PDE4D: variants seen among roughly 807,000 people sequenced by gnomAD.
The protein encoded by PDE4D is 3',5'-cyclic-AMP phosphodiesterase 4D.
PDE4D carries 24 observed loss-of-function variants against 87.4 expected under a neutral mutation model. The observed-to-expected ratio is 0.27, with a 90% CI of 0.20 to 0.39. The LOEUF is 0.39. PDE4D is among the 10% of genes least tolerant of loss of function. The pLI, the probability that PDE4D is intolerant of heterozygous loss-of-function variation, is 1.00. For missense variants in PDE4D, 714 were observed against 1,041.0 expected (o/e 0.69, Z 4.32); for synonymous variants, 384 against 383.2 (o/e 1.00, Z -0.02).
chr5:59,163,222 A>G (rs1220505386), intron 5 of PDE4D, among the ~76,000 whole-genome samples: 2 of 150,804 alleles, frequency 1.3e-5, no homozygotes, highest in African/African-American at 4.9e-5. Context: ...CTGTGGGATT[A>G]CAGGTGTGAG....
At chr5:60,254,409 A>C (rs1748821871) in intron 1 of PDE4D, among the ~76,000 whole-genome samples, 1 of 151,966 alleles carries the variant, frequency 6.6e-6, no homozygotes, top group Non-Finnish European at 1.5e-5. Flanking sequence ...CCTGCCTTTA[A>C]GCAAGTGAAG....
At position 59,574,138 on chromosome 5, in the gene PDE4D, A is replaced by T. The variant is rs2409648; in HGVS notation, c.455+319030T>A. Among the ~76,000 whole-genome samples, 10 of 4,792 alleles carry T rather than the reference A, an allele frequency of 2.1e-3. No individual in the cohort carries two copies. In the East Asian group the frequency reaches 0.027, roughly 13 times the overall value. 3.1% of individuals were successfully genotyped at this position (4,792 alleles called of 152,430 possible). A position where few individuals can be genotyped will look rare whatever the true frequency, so the allele number is the denominator to read the frequency against. On this transcript the variant is annotated intron_variant, in intron 1 of 14. Coordinates refer to ENST00000340635, the MANE Select transcript of PDE4D (RefSeq NM_001104631.2). Reference sequence around the variant, plus strand: ...TATATAAATATATATTTATATATATATATATAAATATATATTTATATATAT... The same window carrying T: ...TATATAAATATATATTTATATATATTTATATAAATATATATTTATATATAT...
At chr5:60,196,525 G>A (rs555246102) in intron 1 of PDE4D, among the ~76,000 whole-genome samples, 1 of 151,724 alleles carries the variant, frequency 6.6e-6, no homozygotes, top group East Asian at 1.9e-4. Flanking sequence ...CTGGGCAGTG[G>A]GAGGTGTCTA....
intron 1 of PDE4D, among the ~76,000 whole-genome samples, chr5:59,359,715 C>T (rs1344053198): frequency 6.6e-6 from 1 of 152,072 alleles, no homozygotes; most frequent in East Asian, 1.9e-4. Flanking sequence ...TATAAAAGAA[C>T]AAAGAAGACA....
chr5:60,117,171 T>C (rs1360753450), intron 2 of PDE4D, among the ~76,000 whole-genome samples: 1 of 152,088 alleles, frequency 6.6e-6, no homozygotes, highest in African/African-American at 2.4e-5. Context: ...GTTTTGGCAT[T>C]AAATTATTTA....
intron 1 of PDE4D, among the ~76,000 whole-genome samples, chr5:59,277,305 G>T (rs1765008026): frequency 6.6e-6 from 1 of 152,078 alleles, no homozygotes; most frequent in African/African-American, 2.4e-5. Flanking sequence ...CCAATAAATT[G>T]CTTTCCACAT....
intron 11 of PDE4D, 30 bp from the exon 12 acceptor site, chr5:58,977,375 G>A (rs1252383311): frequency 6.3e-7 from 1 of 1,583,768 alleles, no homozygotes; most frequent in Non-Finnish European, 8.5e-7. Flanking sequence ...CCAAAGATCA[G>A]CAAAACTGTT....
chr5:59,093,884 A>C (rs1432664389), intron 5 of PDE4D, among the ~76,000 whole-genome samples: 5 of 152,180 alleles, frequency 3.3e-5, no homozygotes, highest in Non-Finnish European at 2.9e-5. Context: ...CTGTGACCTT[A>C]GATAAAACAC....
intron 1 of PDE4D, among the ~76,000 whole-genome samples, chr5:60,423,637 A>G (rs895677356): frequency 6.6e-6 from 1 of 152,210 alleles, no homozygotes; most frequent in Non-Finnish European, 1.5e-5. Flanking sequence ...TAAAAGAACT[A>G]GAGAAGCAAG....
chr5:59,802,389 C>T (rs1213273456), intron 1 of PDE4D, among the ~76,000 whole-genome samples: 5 of 143,168 alleles, frequency 3.5e-5, no homozygotes, highest in Non-Finnish European at 6.0e-5. Flanking sequence ...TTTATAACTT[C>T]CATATTCTTT....
intron 2 of PDE4D, among the ~76,000 whole-genome samples, chr5:60,146,218 A>G (rs1780987786): frequency 6.6e-6 from 1 of 152,246 alleles, no homozygotes; most frequent in African/African-American, 2.4e-5. Context: ...CATCTCAAAA[A>G]CAAAACAAAC....
At chr5:59,943,675 CG>C (rs1757423341) in intron 3 of PDE4D, among the ~76,000 whole-genome samples, 1 of 152,172 alleles carries the variant, frequency 6.6e-6, no homozygotes, top group Non-Finnish European at 1.5e-5. Flanking sequence ...ACAGCTCGTG[CG>C]GGCAGCACTG....
intron 1 of PDE4D, among the ~76,000 whole-genome samples, chr5:59,497,082 C>T (rs1391115019): frequency 6.6e-6 from 1 of 152,132 alleles, no homozygotes; most frequent in Non-Finnish European, 1.5e-5. Context: ...CATACAGAGC[C>T]TTGGCGCCCT....
chr5:59,650,991 C>CA (rs1743366334), intron 1 of PDE4D, among the ~76,000 whole-genome samples: 1 of 152,046 alleles, frequency 6.6e-6, no homozygotes, highest in African/African-American at 2.4e-5. Context: ...CGCGGTGGCT[C>CA]ACGCCTGTAA....
At chr5:59,869,681 T>C (rs1365626554) in intron 1 of PDE4D, among the ~76,000 whole-genome samples, 7 of 152,158 alleles carry the variant, frequency 4.6e-5, no homozygotes, top group Admixed American at 4.6e-4. Context: ...CACCACCTGC[T>C]TGTTTGAGGT....
At chr5:59,335,486 G>A (rs1309544955) in intron 1 of PDE4D, among the ~76,000 whole-genome samples, 2 of 152,124 alleles carry the variant, frequency 1.3e-5, no homozygotes, top group Non-Finnish European at 2.9e-5. Flanking sequence ...CATAGTTTTT[G>A]CCCCTATGGG....
intron 3 of PDE4D, among the ~76,000 whole-genome samples, chr5:59,920,664 T>G (rs1561862260): frequency 1.3e-5 from 2 of 152,180 alleles, no homozygotes; most frequent in Non-Finnish European, 2.9e-5. Flanking sequence ...CCACTTAACT[T>G]CTCTGAACTT....
chr5:60,502,612 C>G (rs1399913998), intron 1 of PDE4D, among the ~76,000 whole-genome samples: 2 of 152,140 alleles, frequency 1.3e-5, no homozygotes, highest in Non-Finnish European at 2.9e-5. Flanking sequence ...TGTCCCCCTG[C>G]TACAGGTTTT....
chr5:60,277,495 G>A (rs1751491137), intron 1 of PDE4D, among the ~76,000 whole-genome samples: 1 of 152,122 alleles, frequency 6.6e-6, no homozygotes, highest in Non-Finnish European at 1.5e-5. Flanking sequence ...AAACCATCCT[G>A]TGTACCATAG....
Sources: gnomAD v4.1 joint callset for allele counts (sites outside exome capture counted in the v4.1 genomes callset) on GRCh38, gnomAD v4.1.1 for gene constraint, MANE v1.5 for transcripts, NCBI Gene and HGNC (gene_info 2026-07-23, HGNC 2026-07-21) for gene names.